The following TBC1D22A variants were observed in gnomAD, a reference collection of about 807,000 sequenced individuals.
TBC1D22A encodes TBC1 domain family member 22A, also known as putative GTPase activator.
TBC1D22A carries 38 observed loss-of-function variants against 60.2 expected under a neutral mutation model. The observed-to-expected ratio is 0.63, with a 90% CI of 0.49 to 0.83. The LOEUF is 0.83. Among genes scored for constraint, TBC1D22A ranks in the 40% least tolerant of loss-of-function variants. The pLI, the probability that TBC1D22A is intolerant of heterozygous loss-of-function variation, is 0.00. For synonymous variants in TBC1D22A, 302 were observed against 281.7 expected (o/e 1.07, Z -0.72); for missense variants, 628 against 701.0 (o/e 0.90, Z 1.18).
At chr22:47,078,462 C>T (rs1202019554) in intron 11 of TBC1D22A, among the ~76,000 whole-genome samples, 2 of 152,234 alleles carry the variant, frequency 1.3e-5, no homozygotes, top group Non-Finnish European at 2.9e-5. Context: ...TCCATGCCCC[C>T]CGCTCCCTTA....
chr22:46,991,284 G>C (rs779883439), intron 9 of TBC1D22A, among the ~76,000 whole-genome samples: 1 of 152,160 alleles, frequency 6.6e-6, no homozygotes, highest in Admixed American at 6.5e-5. Flanking sequence ...ACATGCTGCC[G>C]AGCCCCGTCC....
At chr22:47,069,322 TC>T (rs1291548979) in intron 11 of TBC1D22A, among the ~76,000 whole-genome samples, 4 of 152,198 alleles carry the variant, frequency 2.6e-5, no homozygotes, top group Non-Finnish European at 5.9e-5. Context: ...AAACCCAACT[TC>T]GTTTTAGTGT....
chr22:46,900,968 G>A (rs757506799), intron 7 of TBC1D22A, among the ~76,000 whole-genome samples: 6 of 152,210 alleles, frequency 3.9e-5, no homozygotes, highest in Non-Finnish European at 7.3e-5. Flanking sequence ...CTATGTTAAG[G>A]AAGGTGCCTT....
At chr22:46,805,138 T>C (rs2085072308) in intron 4 of TBC1D22A, among the ~76,000 whole-genome samples, 1 of 152,206 alleles carries the variant, frequency 6.6e-6, no homozygotes, top group Non-Finnish European at 1.5e-5. Context: ...TGTGATCCTC[T>C]CTTGGGCCGT....
chr22:47,163,579 A>G (rs1162128446), intron 12 of TBC1D22A, among the ~76,000 whole-genome samples: 2 of 152,178 alleles, frequency 1.3e-5, no homozygotes, highest in South Asian at 2.1e-4. Context: ...AGGGACAGCC[A>G]TGGTTGCTGT....
In TBC1D22A at chr22:47,083,222, A is replaced by G. The variant is rs573394299; in HGVS notation, c.1330-28286A>G. 9.0e-5 allele frequency among the ~76,000 whole-genome samples: 6 copies of G among 66,942 alleles called. No homozygotes were observed. The South Asian group carries it at 4.4e-3, about 49-fold the overall frequency. 43.9% of individuals were successfully genotyped at this position (66,942 alleles called of 152,430 possible). On this transcript the variant is annotated intron_variant, in intron 11 of 12. Coordinates refer to ENST00000337137, the MANE Select transcript of TBC1D22A (RefSeq NM_014346.5). ...TTTATATATCTTGATAGGGATGTGGATTCCACTGGTATATTCAATTGCAAG... is the reference window on the plus strand; with the variant it reads ...TTTATATATCTTGATAGGGATGTGGGTTCCACTGGTATATTCAATTGCAAG...
At chr22:47,129,736 A>T (rs2066616830) in intron 12 of TBC1D22A, among the ~76,000 whole-genome samples, 1 of 152,258 alleles carries the variant, frequency 6.6e-6, no homozygotes. Flanking sequence ...TTTTTATTTA[A>T]TCAAAGCTAT....
chr22:47,137,384 G>A (rs902458535), intron 12 of TBC1D22A, among the ~76,000 whole-genome samples: 1 of 152,160 alleles, frequency 6.6e-6, no homozygotes, highest in South Asian at 2.1e-4. Context: ...GCATGGTGGC[G>A]TCCCGGCCCT....
At chr22:46,786,816 G>A (rs2146843815) in intron 1 of TBC1D22A, among the ~76,000 whole-genome samples, 1 of 152,182 alleles carries the variant, frequency 6.6e-6, no homozygotes, top group South Asian at 2.1e-4. Flanking sequence ...AGCCTTCTGA[G>A]TAGCTGGGAC....
intron 12 of TBC1D22A, among the ~76,000 whole-genome samples, chr22:47,113,077 G>A (rs2065908139): frequency 6.6e-6 from 1 of 152,236 alleles, no homozygotes; most frequent in African/African-American, 2.4e-5. Flanking sequence ...GAGCAGTGCT[G>A]GCTGGGCAGG....
intron 4 of TBC1D22A, among the ~76,000 whole-genome samples, chr22:46,878,124 T>C (rs1488423625): frequency 6.6e-6 from 1 of 152,020 alleles, no homozygotes; most frequent in Non-Finnish European, 1.5e-5. Context: ...ATTAATGGTG[T>C]ATAAAGACAA....
At chr22:46,846,178 C>A (rs564634793) in intron 4 of TBC1D22A, among the ~76,000 whole-genome samples, 1 of 152,304 alleles carries the variant, frequency 6.6e-6, no homozygotes, top group South Asian at 2.1e-4. Context: ...TCTCCTGTTA[C>A]TCATCTATCT....
intron 4 of TBC1D22A, among the ~76,000 whole-genome samples, chr22:46,802,562 G>A (rs1377143122): frequency 6.6e-6 from 1 of 152,222 alleles, no homozygotes; most frequent in Non-Finnish European, 1.5e-5. Flanking sequence ...GGCAGGCAGG[G>A]ACCAGGTCCC....
At chr22:47,098,026 CTGCTT>C (rs1240394856) in intron 11 of TBC1D22A, among the ~76,000 whole-genome samples, 1 of 151,060 alleles carries the variant, frequency 6.6e-6, no homozygotes, top group Non-Finnish European at 1.5e-5. Context: ...GGCATGCTGG[CTGCTT>C]TATTAGATAC....
chr22:47,095,223 G>A (rs917914892), intron 11 of TBC1D22A, among the ~76,000 whole-genome samples: 4 of 152,264 alleles, frequency 2.6e-5, no homozygotes, highest in Admixed American at 6.5e-5. Context: ...TGAAGTTGGT[G>A]CACTTGAATC....
intron 11 of TBC1D22A, among the ~76,000 whole-genome samples, chr22:47,051,058 G>T (rs1314524419): frequency 6.6e-6 from 1 of 152,192 alleles, no homozygotes; most frequent in Non-Finnish European, 1.5e-5. Flanking sequence ...TTCCCCAGGG[G>T]GCTTCCGTGG....
At chr22:46,901,397 C>T (rs2068985151) in intron 7 of TBC1D22A, among the ~76,000 whole-genome samples, 3 of 152,186 alleles carry the variant, frequency 2.0e-5, no homozygotes, top group Non-Finnish European at 4.4e-5. Flanking sequence ...TGTTTATTTT[C>T]AGTACTTAGT....
At chr22:46,993,983 G>A (rs925108775) in intron 9 of TBC1D22A, among the ~76,000 whole-genome samples, 2 of 152,250 alleles carry the variant, frequency 1.3e-5, no homozygotes, top group Non-Finnish European at 2.9e-5. Flanking sequence ...GCCTTCTGAA[G>A]GCTGGCCTTC....
intron 1 of TBC1D22A, among the ~76,000 whole-genome samples, chr22:46,765,281 A>G (rs941792553): frequency 1.3e-5 from 2 of 152,148 alleles, no homozygotes; most frequent in Non-Finnish European, 2.9e-5. Context: ...TCTTCCCTGA[A>G]GGAGGAGTCA....
Sources: allele counts gnomAD v4.1 joint callset (sites outside exome capture counted in the v4.1 genomes callset), GRCh38; gene constraint gnomAD v4.1.1; transcripts MANE v1.5; gene names NCBI Gene and HGNC (gene_info 2026-07-23, HGNC 2026-07-21).